CFAP47: variants seen among roughly 807,000 people sequenced by gnomAD.
The protein encoded by CFAP47 is cilia and flagella associated protein 47.
Under a neutral mutation model 148.1 loss-of-function variants are expected in CFAP47, and 29 were observed. The observed-to-expected ratio is 0.20, with a 90% CI of 0.15 to 0.27. The LOEUF (loss-of-function observed/expected upper bound fraction) is 0.27, where lower values mean the gene tolerates loss of function less well. Among genes scored for constraint, CFAP47 ranks in the 10% least tolerant of loss-of-function variants. The pLI, the probability that CFAP47 is intolerant of heterozygous loss-of-function variation, is 1.00. For synonymous variants in CFAP47, 664 were observed against 577.3 expected (o/e 1.15, Z -2.15); for missense variants, 1,872 against 1,697.5 (o/e 1.10, Z -1.81).
chrX:36,211,799 C>T (rs1372573307), intron 45 of CFAP47, among the ~76,000 whole-genome samples: 3 of 111,238 alleles, frequency 2.7e-5, no homozygotes, highest in Non-Finnish European at 3.8e-5. Context: ...CTGTACACAA[C>T]TCCCTTCTTT....
intron 1 of CFAP47, among the ~76,000 whole-genome samples, chrX:35,925,080 A>C (rs1935716184): frequency 9.0e-6 from 1 of 111,536 alleles, no homozygotes; most frequent in Admixed American, 9.5e-5. Context: ...GTTAATAATA[A>C]AGTATTGTAT....
At chrX:36,057,752 T>G (rs1356562687) in intron 26 of CFAP47, among the ~76,000 whole-genome samples, 1 of 111,441 alleles carries the variant, frequency 9.0e-6, no homozygotes, top group East Asian at 2.8e-4. Flanking sequence ...TCAGGCTTAT[T>G]ACAATTTAAA....
At chrX:35,949,342 C>T (rs867306671) in intron 4 of CFAP47, among the ~76,000 whole-genome samples, 56 of 110,927 alleles carry the variant, frequency 5.0e-4, no homozygotes, top group African/African-American at 1.8e-3. Context: ...TTAGAAAGGT[C>T]CTCCTAGTGG....
intron 25 of CFAP47, among the ~76,000 whole-genome samples, chrX:36,045,266 T>G (rs1204986802): frequency 9.0e-6 from 1 of 111,571 alleles, no homozygotes; most frequent in African/African-American, 3.3e-5. Context: ...GTTTTGAGGG[T>G]TTTTGTCCTG....
At chrX:35,978,567 G>A (rs539715835) in intron 15 of CFAP47, among the ~76,000 whole-genome samples, 1 of 111,527 alleles carries the variant, frequency 9.0e-6, no homozygotes, top group South Asian at 3.8e-4. Flanking sequence ...TTTTTGTGTA[G>A]GTAATGCCAT....
intron 57 of CFAP47, among the ~76,000 whole-genome samples, chrX:36,336,786 G>A (rs782241495): frequency 6.0e-4 from 67 of 111,221 alleles, no homozygotes; most frequent in Admixed American, 2.4e-3. Context: ...AATATTATTT[G>A]AAAAATAATA....
In CFAP47 at chrX:36,001,649, C is replaced by A. The variant is rs961640116; in HGVS notation, c.3359C>A (p.Ser1120Tyr). ...FKDPAVPYIY[S>Y]LELEENTSLE... ...GACCCTGCAGTTCCTTATATATATT[C>A]TTTGGAATTAGAGGAAAATACATCT... Residue 1120 changes from serine to tyrosine, a missense_variant, in exon 21 of 64, where the codon TCT (serine) becomes TAT (tyrosine). Coordinates refer to ENST00000378653, the MANE Select transcript of CFAP47 (RefSeq NM_001304548.2). The A allele has an allele frequency of 1.7e-5, 5 of 294,268 alleles. No individual in the cohort carries two copies. The highest frequency in any genetic ancestry group is 1.4e-4 in the African/African-American group (5 of 36,330). 24.3% of individuals were successfully genotyped at this position (294,268 alleles called of 1,213,427 possible).
Position 35,919,870 on chromosome X carries a change from G to T in CFAP47, c.71G>T (p.Gly24Val). ...TCCCTCGCCATGAGCATCCAAAGGG[G>T]TTCCCTCGTCCCCCGGGATATGGAT... ...RGSLAMSIQR[G>V]SLVPRDMDSS... Residue 24 changes from glycine (G) to valine (V), a missense_variant, in exon 1 of 64, where the codon GGT becomes GTT. By Grantham distance (109) the Gly-to-Val change is moderately radical. Coordinates refer to ENST00000378653, the MANE Select transcript of CFAP47 (RefSeq NM_001304548.2). 1 of 1,210,526 alleles carries T rather than the reference G, an allele frequency of 8.3e-7. No homozygotes were observed. Among genetic ancestry groups the T allele is most frequent in the Non-Finnish European group, 1.1e-6 (1 of 894,923 alleles).
At position 35,951,849 on chromosome X, in the gene CFAP47, C is replaced by T; in HGVS notation, c.932C>T (p.Thr311Ile). The change falls in exon 6 of 64, where the codon ACC becomes ATC. Residue 311 changes from threonine (T) to isoleucine (I), a missense_variant. Thr to Ile is a moderately conservative substitution (Grantham distance 89). Coordinates refer to ENST00000378653, the MANE Select transcript of CFAP47 (RefSeq NM_001304548.2). ...QRTDIALNNL[T>I]YIRKIKNIDT... ...ACAGATATTGCTTTAAATAATCTCA[C>T]CTACATAAGAAAAATAAAGAACATA... is the stretch of plus-strand genomic sequence containing the variant. 8.6e-7 allele frequency: 1 copy of T among 1,164,501 alleles called. No individual in the cohort carries two copies. The highest frequency in any genetic ancestry group is 3.2e-5 in the East Asian group (1 of 31,387).
At chrX:36,276,435 G>A (rs1363501800) in intron 49 of CFAP47, among the ~76,000 whole-genome samples, 4 of 111,680 alleles carry the variant, frequency 3.6e-5, no homozygotes, top group Non-Finnish European at 7.5e-5. Flanking sequence ...TTTATTTTTG[G>A]AGGGGAGTAT....
intron 61 of CFAP47, among the ~76,000 whole-genome samples, chrX:36,365,275 A>G (rs1941864990): frequency 9.0e-6 from 1 of 110,657 alleles, no homozygotes; most frequent in South Asian, 3.8e-4. Context: ...ATAGTATTCC[A>G]TTGTTTCTAT....
Position 36,065,680 on chromosome X carries a change from A to T in CFAP47, c.4255A>T (p.Ile1419Phe). 4 of 1,198,259 alleles carry T rather than the reference A, an allele frequency of 3.3e-6. No individual in the cohort carries two copies. The highest frequency in any genetic ancestry group is 4.5e-6 in the Non-Finnish European group (4 of 885,887). Residue 1419 changes from isoleucine (I) to phenylalanine (F), a missense_variant, in exon 27 of 64, where the codon ATT becomes TTT. Ile to Phe is a conservative substitution (Grantham distance 21). Transcript: ENST00000378653. ...LPVTATAENCILTIYPYMAIH... is the reference protein window; with the variant it reads ...LPVTATAENCFLTIYPYMAIH... ...AGTTACTGCAACAGCAGAAAACTGC[A>T]TTCTTACTATTTACCCATATATGGC...
chrX:36,140,175 G>A (rs2146832909), intron 35 of CFAP47, among the ~76,000 whole-genome samples: 1 of 111,201 alleles, frequency 9.0e-6, no homozygotes, highest in East Asian at 2.9e-4. Flanking sequence ...CATGAAACAA[G>A]GCTAATGCAA....
At chrX:36,372,201 T>TA (rs781786297) in intron 62 of CFAP47, among the ~76,000 whole-genome samples, 6 of 104,804 alleles carry the variant, frequency 5.7e-5, no homozygotes, top group East Asian at 3.4e-4. Flanking sequence ...CTACTTTCTT[T>TA]AAAAAAAATG....
chrX:36,276,003 T>A (rs1941012521), intron 49 of CFAP47, among the ~76,000 whole-genome samples: 1 of 110,447 alleles, frequency 9.1e-6, no homozygotes, highest in Non-Finnish European at 1.9e-5. Flanking sequence ...TATTCTCTTA[T>A]AATCATTTTT....
At chrX:36,313,792 A>G (rs891180264) in intron 56 of CFAP47, among the ~76,000 whole-genome samples, 1 of 110,800 alleles carries the variant, frequency 9.0e-6, no homozygotes, top group African/African-American at 3.3e-5. Context: ...CTCTCTCCTC[A>G]TTAGCTGCAA....
chrX:36,010,806 G>A (rs914649964), intron 21 of CFAP47, among the ~76,000 whole-genome samples: 2 of 111,491 alleles, frequency 1.8e-5, no homozygotes, highest in African/African-American at 6.5e-5. Flanking sequence ...TTCTCGTTTC[G>A]TGTATACATT....
In CFAP47 at chrX:35,951,785, T is replaced by G; in HGVS notation, c.886-18T>G. 2.8e-6 allele frequency: 3 copies of G among 1,085,789 alleles called. No homozygotes were observed. Among genetic ancestry groups the G allele is most frequent in the Middle Eastern group, 2.7e-4 (1 of 3,682 alleles). The allele number at this position is 1,085,789 out of a possible 1,213,427, so 89.5% of individuals were successfully genotyped here. On this transcript the variant is annotated intron_variant, in intron 5 of 63. Coordinates refer to ENST00000378653, the MANE Select transcript of CFAP47 (RefSeq NM_001304548.2). ...TGTTTTGCCTTAATACTCTTTTATA[T>G]CTGACTTTATATTACAGGGTACAGA...
intron 1 of CFAP47, among the ~76,000 whole-genome samples, chrX:35,924,456 T>C (rs761061162): frequency 9.4e-6 from 1 of 106,778 alleles, no homozygotes; most frequent in African/African-American, 3.4e-5. Flanking sequence ...TATATGTGTA[T>C]ATAGGTGCAC....
Sources: allele counts gnomAD v4.1 joint callset (sites outside exome capture counted in the v4.1 genomes callset), GRCh38; gene constraint gnomAD v4.1.1; transcripts MANE v1.5; gene names NCBI Gene and HGNC (gene_info 2026-07-23, HGNC 2026-07-21).